The following CNTNAP2 variants were observed in gnomAD, a reference collection of about 807,000 sequenced individuals.
CNTNAP2 encodes contactin-associated protein-like 2.
CNTNAP2 carries 98 observed loss-of-function variants against 155.2 expected under a neutral mutation model. That is an observed-to-expected ratio of 0.63 (90% CI 0.54 to 0.75). CNTNAP2 has a LOEUF of 0.75. CNTNAP2 is among the 30% of genes least tolerant of loss of function. The pLI is 0.00. For synonymous variants in CNTNAP2, 651 were observed against 631.2 expected, an observed-to-expected ratio of 1.03 and a Z score of -0.47; for missense variants, 1,727 against 1,688.1, an observed-to-expected ratio of 1.02 and a Z score of -0.40.
At chr7:146,561,870 G>T (rs1048509855) in intron 1 of CNTNAP2, among the ~76,000 whole-genome samples, 1 of 152,034 alleles carries the variant, frequency 6.6e-6, no homozygotes, top group Non-Finnish European at 1.5e-5. Context: ...GCTCACTGCA[G>T]CATCAACCTC....
intron 15 of CNTNAP2, among the ~76,000 whole-genome samples, chr7:148,104,559 C>T (rs1263292526): frequency 6.6e-6 from 1 of 152,144 alleles, no homozygotes; most frequent in African/African-American, 2.4e-5. Flanking sequence ...TCAGCTATGA[C>T]CATCCTTCAT....
At chr7:146,124,652 G>T (rs1797609130) in intron 1 of CNTNAP2, among the ~76,000 whole-genome samples, 1 of 151,916 alleles carries the variant, frequency 6.6e-6, no homozygotes. Context: ...ACATTTTTTG[G>T]TTCAAATAAA....
chr7:146,156,774 G>A (rs1798132864), intron 1 of CNTNAP2, among the ~76,000 whole-genome samples: 1 of 152,018 alleles, frequency 6.6e-6, no homozygotes, highest in Non-Finnish European at 1.5e-5. Context: ...GCTAATTTTT[G>A]TATTTTTAGT....
chr7:148,201,420 T>C (rs950158056), intron 18 of CNTNAP2, among the ~76,000 whole-genome samples: 3 of 152,248 alleles, frequency 2.0e-5, no homozygotes, highest in Non-Finnish European at 2.9e-5. Flanking sequence ...TTTCTAATAT[T>C]GCTCAGCTCA....
chr7:147,817,429 G>A (rs35843029), intron 13 of CNTNAP2, among the ~76,000 whole-genome samples: 26 of 152,096 alleles, frequency 1.7e-4, no homozygotes, highest in African/African-American at 6.0e-4. Flanking sequence ...AAGTATTTTA[G>A]GTATGATGTT....
At chr7:146,473,514 G>A (rs1453994123) in intron 1 of CNTNAP2, among the ~76,000 whole-genome samples, 2 of 151,926 alleles carry the variant, frequency 1.3e-5, no homozygotes, top group Admixed American at 6.6e-5. Flanking sequence ...GGATGTTTGA[G>A]TTGAATTTGA....
At chr7:146,603,682 G>T (rs1164983726) in intron 1 of CNTNAP2, among the ~76,000 whole-genome samples, 1 of 151,012 alleles carries the variant, frequency 6.6e-6, no homozygotes, top group African/African-American at 2.4e-5. Context: ...ATACTACAAG[G>T]CTACAGTAAC....
At chr7:148,054,268 G>A (rs749616229) in intron 15 of CNTNAP2, among the ~76,000 whole-genome samples, 6 of 151,944 alleles carry the variant, frequency 3.9e-5, no homozygotes, top group East Asian at 1.9e-4. Context: ...CACTGCGCCC[G>A]GCTAATTCCA....
intron 1 of CNTNAP2, among the ~76,000 whole-genome samples, chr7:146,467,177 A>G (rs2129125880): frequency 6.6e-6 from 1 of 152,264 alleles, no homozygotes; most frequent in South Asian, 2.1e-4. Context: ...TGTTAATTTT[A>G]ATCAGTTTTC....
At chr7:146,748,448 A>G (rs1801849911) in intron 1 of CNTNAP2, among the ~76,000 whole-genome samples, 3 of 151,882 alleles carry the variant, frequency 2.0e-5, no homozygotes, top group South Asian at 4.1e-4. Context: ...CCCGGCCCCA[A>G]ATCTATATGG....
intron 8 of CNTNAP2, among the ~76,000 whole-genome samples, chr7:147,176,998 T>A (rs1387185049): frequency 7.2e-6 from 1 of 139,858 alleles, no homozygotes; most frequent in Non-Finnish European, 1.5e-5. Flanking sequence ...TAATTCTATA[T>A]CTATAATTAT....
chr7:147,198,668 C>T (rs904106391), intron 8 of CNTNAP2, among the ~76,000 whole-genome samples: 1 of 152,174 alleles, frequency 6.6e-6, no homozygotes, highest in African/African-American at 2.4e-5. Context: ...TGGAAGCTTA[C>T]TCAGATGCCT....
Position 146,337,624 on chromosome 7 carries a change from T to TTTTG in CNTNAP2, c.97+220663_97+220666dup, listed in dbSNP as rs1554418973. ...CTGGAATATGGCACATACCTGGCTT[T>TTTTG]TTTGTTTGTTTGTTTTAATTTTTCT... is the stretch of plus-strand genomic sequence containing the variant. On this transcript the variant is annotated intron_variant, in intron 1 of 23. Coordinates refer to ENST00000361727, the MANE Select transcript of CNTNAP2 (RefSeq NM_014141.6). 1.5e-3 allele frequency among the ~76,000 whole-genome samples: 224 copies of TTTTG among 151,750 alleles called. 1 individual carries two copies. Among genetic ancestry groups the TTTTG allele is most frequent in the African/African-American group, 5.3e-3 (220 of 41,264 alleles).
At chr7:148,390,567 T>C (rs1339116401) in intron 22 of CNTNAP2, among the ~76,000 whole-genome samples, 2 of 150,656 alleles carry the variant, frequency 1.3e-5, no homozygotes, top group African/African-American at 2.5e-5. Context: ...TATACCAGGA[T>C]GTTTGCATAC....
chr7:146,689,137 C>T (rs1260272777), intron 1 of CNTNAP2, among the ~76,000 whole-genome samples: 1 of 151,962 alleles, frequency 6.6e-6, no homozygotes, highest in African/African-American at 2.4e-5. Flanking sequence ...AAAATTGTTT[C>T]CTTTTGACTT....
At chr7:147,366,313 A>G (rs1341522654) in intron 9 of CNTNAP2, among the ~76,000 whole-genome samples, 1 of 151,914 alleles carries the variant, frequency 6.6e-6, no homozygotes, top group African/African-American at 2.4e-5. Flanking sequence ...GTCTCAATGG[A>G]GATTTGTCTT....
chr7:148,018,432 G>A (rs185999670), intron 15 of CNTNAP2, among the ~76,000 whole-genome samples: 1 of 152,186 alleles, frequency 6.6e-6, no homozygotes, highest in East Asian at 1.9e-4. Context: ...ATATAAGCAT[G>A]TTGTTGGTTG....
chr7:146,198,226 A>G (rs1341790515), intron 1 of CNTNAP2, among the ~76,000 whole-genome samples: 1 of 152,064 alleles, frequency 6.6e-6, no homozygotes, highest in Non-Finnish European at 1.5e-5. Flanking sequence ...ATTCAGAAAT[A>G]TACCCCATTT....
In CNTNAP2 at chr7:148,418,430, T is replaced by A. The variant is rs1800041502; in HGVS notation, c.*2814T>A. 1.3e-5 allele frequency: 2 copies of A among 152,192 alleles called. No individual in the cohort carries two copies. The highest frequency in any genetic ancestry group is 2.9e-5 in the Non-Finnish European group (2 of 68,040). 9.4% of individuals were successfully genotyped at this position (152,192 alleles called of 1,614,324 possible). On this transcript the variant is annotated 3_prime_UTR_variant, in exon 24 of 24. Coordinates refer to ENST00000361727, the MANE Select transcript of CNTNAP2 (RefSeq NM_014141.6). ...GGTAGTAGCCTCTTTAAATAATATG[T>A]ATAGACAACAACAACGACAAAAAAT...
Sources: allele counts gnomAD v4.1 joint callset (sites outside exome capture counted in the v4.1 genomes callset), GRCh38; gene constraint gnomAD v4.1.1; transcripts MANE v1.5; gene names NCBI Gene and HGNC (gene_info 2026-07-23, HGNC 2026-07-21).